The following ADAMTS19 variants were observed in gnomAD, a reference collection of about 807,000 sequenced individuals.
ADAMTS19 encodes ADAM metallopeptidase with thrombospondin type 1 motif 19.
Under a neutral mutation model 153.3 loss-of-function variants are expected in ADAMTS19, and 93 were observed. The observed-to-expected ratio is 0.61, with a 90% confidence interval of 0.51 to 0.72. ADAMTS19 has a LOEUF of 0.72. Among genes scored for constraint, ADAMTS19 ranks in the 30% least tolerant of loss-of-function variants. The probability of loss-of-function intolerance (pLI) is 0.00; values close to 1 mark genes in which losing one functional copy is unlikely to be tolerated. For missense variants in ADAMTS19, 1,482 were observed against 1,552.1 expected (o/e 0.95, Z 0.76); for synonymous variants, 600 against 556.6 (o/e 1.08, Z -1.10).
chr5:129,608,308 T>C (rs1392014336), intron 8 of ADAMTS19, among the ~76,000 whole-genome samples: 1 of 151,626 alleles, frequency 6.6e-6, no homozygotes, highest in African/African-American at 2.4e-5. Flanking sequence ...AAACTCATAG[T>C]AACAGAAGAA....
chr5:129,672,641 A>G (rs1044350335), intron 16 of ADAMTS19, among the ~76,000 whole-genome samples: 15 of 152,300 alleles, frequency 9.8e-5, no homozygotes, highest in African/African-American at 3.1e-4. Context: ...ATGTATCTAT[A>G]TTAACCTTAG....
chr5:129,630,318 G>C (rs1010478923), intron 10 of ADAMTS19, among the ~76,000 whole-genome samples: 2 of 152,040 alleles, frequency 1.3e-5, no homozygotes, highest in South Asian at 2.1e-4. Flanking sequence ...TTTAAAAAAG[G>C]CTTAACATGA....
At chr5:129,577,008 AT>A (rs1347775155) in intron 7 of ADAMTS19, among the ~76,000 whole-genome samples, 2 of 152,110 alleles carry the variant, frequency 1.3e-5, no homozygotes, top group Non-Finnish European at 2.9e-5. Context: ...GGGCTCAGGA[AT>A]AACTCAGCCC....
intron 11 of ADAMTS19, among the ~76,000 whole-genome samples, chr5:129,644,879 CCAT>C (rs1356702306): frequency 6.6e-6 from 1 of 152,106 alleles, no homozygotes; most frequent in Non-Finnish European, 1.5e-5. Flanking sequence ...CTTGAAATTA[CCAT>C]CATAATTTAT....
intron 16 of ADAMTS19, 123 bp from the exon 17 acceptor site, chr5:129,679,641 C>T (rs1189584268): frequency 1.1e-6 from 1 of 902,458 alleles, no homozygotes; most frequent in East Asian, 2.7e-5. Flanking sequence ...AGTTTTACAT[C>T]AGGGAATGTT....
chr5:129,687,058 T>C (rs1261245584), intron 18 of ADAMTS19, among the ~76,000 whole-genome samples: 3 of 152,136 alleles, frequency 2.0e-5, no homozygotes, highest in Non-Finnish European at 4.4e-5. Context: ...CTCATCTTTC[T>C]TAAGGGGCTG....
intron 2 of ADAMTS19, among the ~76,000 whole-genome samples, chr5:129,505,012 T>G (rs1751227777): frequency 6.6e-6 from 1 of 151,934 alleles, no homozygotes; most frequent in Non-Finnish European, 1.5e-5. Context: ...CTCTTTGACA[T>G]ACTGATTTCA....
At chr5:129,713,590 G>C (rs906792908) in intron 21 of ADAMTS19, among the ~76,000 whole-genome samples, 2 of 151,932 alleles carry the variant, frequency 1.3e-5, no homozygotes, top group Admixed American at 1.3e-4. Context: ...GCAAAACGCT[G>C]ACTCTCCTAA....
intron 13 of ADAMTS19, among the ~76,000 whole-genome samples, chr5:129,650,607 C>T (rs1008551291): frequency 9.9e-5 from 15 of 152,178 alleles, no homozygotes; most frequent in African/African-American, 3.4e-4. Context: ...TTCCTCCTTT[C>T]CAAGGCCAGT....
chr5:129,675,244 A>G (rs1490282176), intron 16 of ADAMTS19, among the ~76,000 whole-genome samples: 1 of 152,024 alleles, frequency 6.6e-6, no homozygotes, highest in Non-Finnish European at 1.5e-5. Flanking sequence ...CTTTATGCTT[A>G]TTTGGCTTAG....
At chr5:129,505,726 A>G (rs2126718974) in intron 2 of ADAMTS19, among the ~76,000 whole-genome samples, 2 of 152,308 alleles carry the variant, frequency 1.3e-5, no homozygotes, top group Admixed American at 1.3e-4. Flanking sequence ...CTAAATTGAG[A>G]AATCAAATAA....
intron 21 of ADAMTS19, among the ~76,000 whole-genome samples, chr5:129,732,943 C>G (rs1290462005): frequency 6.6e-6 from 1 of 151,968 alleles, no homozygotes; most frequent in Admixed American, 6.6e-5. Flanking sequence ...TAGCATGGTA[C>G]TGGTACAAAT....
At chr5:129,541,252 GC>G (rs745399937) in intron 6 of ADAMTS19, among the ~76,000 whole-genome samples, 5 of 149,740 alleles carry the variant, frequency 3.3e-5, no homozygotes, top group Non-Finnish European at 7.4e-5. Context: ...GACTGTAAAT[GC>G]CCTTGACGAT....
intron 21 of ADAMTS19, among the ~76,000 whole-genome samples, chr5:129,708,132 A>G (rs1756252200): frequency 6.6e-6 from 1 of 152,180 alleles, no homozygotes; most frequent in Admixed American, 6.5e-5. Context: ...AGGGGGAAAA[A>G]CAGATTAAGG....
chr5:129,648,758 T>TA (rs773128278), intron 12 of ADAMTS19, 40 bp from the exon 13 acceptor site: 3 of 1,576,962 alleles, frequency 1.9e-6, no homozygotes, highest in Middle Eastern at 1.7e-4. Flanking sequence ...GTAGTTAACA[T>TA]AAAAAACATA....
At chr5:129,648,315 G>A (rs1753158929) in intron 12 of ADAMTS19, among the ~76,000 whole-genome samples, 1 of 152,184 alleles carries the variant, frequency 6.6e-6, no homozygotes, top group Admixed American at 6.5e-5. Flanking sequence ...GAATTATTAT[G>A]GGATCAGCTT....
chr5:129,541,095 G>A (rs929778765), intron 6 of ADAMTS19, among the ~76,000 whole-genome samples: 2 of 151,788 alleles, frequency 1.3e-5, no homozygotes, highest in Admixed American at 1.3e-4. Flanking sequence ...TCTGATCTTT[G>A]GTTTATAATG....
chr5:129,709,213 A>G (rs1756322533), intron 21 of ADAMTS19, among the ~76,000 whole-genome samples: 1 of 152,106 alleles, frequency 6.6e-6, no homozygotes, highest in African/African-American at 2.4e-5. Context: ...TGGGAATTCT[A>G]CGTATTCTGA....
intron 4 of ADAMTS19, among the ~76,000 whole-genome samples, chr5:129,527,003 C>A (rs559990900): frequency 2.0e-5 from 3 of 151,800 alleles, no homozygotes; most frequent in Non-Finnish European, 4.4e-5. Context: ...CTATTATATA[C>A]GTATGTAAAA....
Sources: gnomAD v4.1 joint callset for allele counts (sites outside exome capture counted in the v4.1 genomes callset) on GRCh38, gnomAD v4.1.1 for gene constraint, MANE v1.5 for transcripts, NCBI Gene and HGNC (gene_info 2026-07-23, HGNC 2026-07-21) for gene names.